The following RAB40B variants were observed in gnomAD, a reference collection of about 807,000 sequenced individuals.
RAB40B encodes ras-related protein Rab-40B.
In RAB40B, 21 loss-of-function variants were observed where a neutral mutation model predicts 24.0. That is an observed-to-expected ratio of 0.88 (90% CI 0.62 to 1.26). RAB40B has a LOEUF of 1.26. RAB40B is among the 50% of genes most tolerant of loss of function. The probability of loss-of-function intolerance (pLI) is 0.00; values close to 1 mark genes in which losing one functional copy is unlikely to be tolerated. For missense variants in RAB40B, 348 were observed against 390.5 expected, an observed-to-expected ratio of 0.89 and a Z score of 0.92; for synonymous variants, 167 against 169.8, an observed-to-expected ratio of 0.98 and a Z score of 0.13.
intron 1 of RAB40B, among the ~76,000 whole-genome samples, chr17:82,682,696 C>G (rs2046458441): frequency 6.6e-6 from 1 of 152,162 alleles, no homozygotes; most frequent in Non-Finnish European, 1.5e-5. Flanking sequence ...AGAATTGAGT[C>G]TAGAAATAGG....
intron 1 of RAB40B, among the ~76,000 whole-genome samples, chr17:82,691,091 C>T (rs1382442623): frequency 1.3e-5 from 2 of 152,164 alleles, no homozygotes; most frequent in Non-Finnish European, 2.9e-5. Flanking sequence ...ACCTGCACCC[C>T]GGTGTGTCCA....
chr17:82,690,475 T>A (rs866566471), intron 1 of RAB40B, among the ~76,000 whole-genome samples: 2 of 126,948 alleles, frequency 1.6e-5, no homozygotes, highest in South Asian at 2.6e-4. Flanking sequence ...GAGCATGGAG[T>A]GTGCACGTGT....
At chr17:82,674,735 G>C (rs908200928) in intron 1 of RAB40B, among the ~76,000 whole-genome samples, 2 of 152,038 alleles carry the variant, frequency 1.3e-5, no homozygotes, top group Non-Finnish European at 2.9e-5. Flanking sequence ...TGTCACCTGC[G>C]TCACTCTGGC....
intron 1 of RAB40B, among the ~76,000 whole-genome samples, chr17:82,668,993 C>G (rs1188999851): frequency 2.0e-5 from 3 of 152,234 alleles, no homozygotes. Flanking sequence ...AACCACACTG[C>G]TGTGGTTTTC....
intron 1 of RAB40B, among the ~76,000 whole-genome samples, chr17:82,673,755 C>A (rs1231778142): frequency 1.3e-5 from 2 of 152,146 alleles, no homozygotes; most frequent in Non-Finnish European, 2.9e-5. Context: ...CTGTAGGGAT[C>A]TTCGTGGCCA....
intron 1 of RAB40B, among the ~76,000 whole-genome samples, chr17:82,696,205 G>A (rs1054046482): frequency 3.9e-5 from 6 of 152,094 alleles, no homozygotes; most frequent in African/African-American, 1.2e-4. Flanking sequence ...TCCTCCCTCC[G>A]TGTCAAGGGA....
chr17:82,676,286 C>A (rs2046392904), intron 1 of RAB40B, among the ~76,000 whole-genome samples: 1 of 118,650 alleles, frequency 8.4e-6, no homozygotes, highest in African/African-American at 2.6e-5. Context: ...GTGAGGGCAC[C>A]CCTCACCTTC....
Position 82,697,903 on chromosome 17 carries a change from C to A in RAB40B, c.142+552G>T, listed in dbSNP as rs2143571126. 6.6e-6 allele frequency among the ~76,000 whole-genome samples: 1 copy of A among 152,258 alleles called. No homozygotes were observed. The highest frequency in any genetic ancestry group is 1.9e-4 in the East Asian group (1 of 5,158). On this transcript the variant is annotated intron_variant, in intron 1 of 5. Coordinates refer to ENST00000571995, the MANE Select transcript of RAB40B (RefSeq NM_006822.3). The surrounding 1 kb of genome is among the most constrained non-coding windows in gnomAD (Gnocchi z 4.9). Reference sequence around the variant, plus strand: ...CTTCCTCTCCCCCGGACACGCGGGACCCCTGGCCTCGGGACCGGACCCTGG... The same window carrying A: ...CTTCCTCTCCCCCGGACACGCGGGAACCCTGGCCTCGGGACCGGACCCTGG...
In RAB40B at chr17:82,658,063, G is replaced by A; in HGVS notation, c.637C>T (p.Pro213Ser). ...CTPVHLVDKLPLPIALRSHLK... is the reference protein window; with the variant it reads ...CTPVHLVDKLSLPIALRSHLK... ...TGGCTTCTTAAGGCAATGGGGAGCG[G>A]GAGCTTGTCCACCAGGTGCACCGGC... Residue 213 changes from proline to serine, a missense_variant, in exon 6 of 6, where the codon CCG (proline) becomes TCG (serine). Pro to Ser is a moderately conservative substitution (Grantham distance 74). Around this residue, in one of 3 missense-constraint regions of RAB40B, gnomAD observed 121 missense variants for 124.0 expected, o/e 0.98. Transcript: ENST00000571995. The A allele has an allele frequency of 6.2e-7, 1 of 1,614,216 alleles. No individual in the cohort carries two copies. The highest frequency in any genetic ancestry group is 1.1e-5 in the South Asian group (1 of 91,082).
At chr17:82,670,281 T>C (rs1284014728) in intron 1 of RAB40B, among the ~76,000 whole-genome samples, 12 of 146,500 alleles carry the variant, frequency 8.2e-5, no homozygotes, top group Admixed American at 6.4e-4. Context: ...GCCCACCGGG[T>C]TCAAGCAATT....
Position 82,690,808 on chromosome 17 carries a change from C to T in RAB40B, c.142+7647G>A, listed in dbSNP as rs150581754. Among the ~76,000 whole-genome samples, 411 of 148,900 alleles carry T rather than the reference C, an allele frequency of 2.8e-3. 2 individuals carry two copies. Among genetic ancestry groups the T allele is most frequent in the Non-Finnish European group, 4.6e-3 (306 of 66,570 alleles). On this transcript the variant is annotated intron_variant, in intron 1 of 5. Coordinates refer to ENST00000571995, the MANE Select transcript of RAB40B (RefSeq NM_006822.3). ...GGAGATGAAGTGTGCATGTGTGTTCCTGGGGAACAGAGAGTGTGCACGTGT... is the reference window on the plus strand; with the variant it reads ...GGAGATGAAGTGTGCATGTGTGTTCTTGGGGAACAGAGAGTGTGCACGTGT...
In RAB40B at chr17:82,661,581, C is replaced by T. The variant is rs1007014465; in HGVS notation, c.204-534G>A. Among the ~76,000 whole-genome samples the T allele has an allele frequency of 4.6e-5, 7 of 152,208 alleles. No homozygotes were observed. In the East Asian group the frequency reaches 5.8e-4, roughly 13 times the overall value. On this transcript the variant is annotated intron_variant, in intron 2 of 5. Transcript: ENST00000571995. ...GTACTGGGACCCACAAAGACCAGAACGGAGCTCCAAGAAACAAATGAAAGG... is the reference window on the plus strand; with the variant it reads ...GTACTGGGACCCACAAAGACCAGAATGGAGCTCCAAGAAACAAATGAAAGG...
In RAB40B at chr17:82,657,398, G is replaced by T; in HGVS notation, c.*465C>A. On this transcript the variant is annotated 3_prime_UTR_variant, in exon 6 of 6. Coordinates refer to ENST00000571995, the MANE Select transcript of RAB40B (RefSeq NM_006822.3). ...GTTGCACATAACCTCTACATCTGCA[G>T]CGTTTTATAAATTGGCGCTTTGACA... The T allele has an allele frequency of 3.2e-6, 1 of 313,108 alleles. No homozygotes were observed. Among genetic ancestry groups the T allele is most frequent in the Non-Finnish European group, 6.2e-6 (1 of 161,286 alleles). 19.4% of individuals were successfully genotyped at this position (313,108 alleles called of 1,614,324 possible). A position where few individuals can be genotyped will look rare whatever the true frequency, so the allele number is the denominator to read the frequency against.
rs1216480189 is a variant in RAB40B at position 82,663,200 on chromosome 17, T to C, written c.203+1296A>G. 6.6e-6 allele frequency among the ~76,000 whole-genome samples: 1 copy of C among 151,676 alleles called. No individual in the cohort carries two copies. The highest frequency in any genetic ancestry group is 1.5e-5 in the Non-Finnish European group (1 of 67,878). ...GAAGGGTCGGGGCGCTTGGGGACAC[T>C]GTGGAGACAGGCTCCCCAGGACTGG... On this transcript the variant is annotated intron_variant, in intron 2 of 5. Coordinates refer to ENST00000571995, the MANE Select transcript of RAB40B (RefSeq NM_006822.3). The surrounding 1 kb of genome is among the most constrained non-coding windows in gnomAD (Gnocchi z 6.2).
At chr17:82,688,942 T>A (rs975909105) in intron 1 of RAB40B, among the ~76,000 whole-genome samples, 5 of 152,108 alleles carry the variant, frequency 3.3e-5, no homozygotes, top group Admixed American at 2.0e-4. Flanking sequence ...TCAAAAAAAA[T>A]TTAAAAATTG....
intron 4 of RAB40B, 180 bp downstream of exon 4, chr17:82,659,400 C>G (rs900438334): frequency 1.7e-6 from 1 of 601,220 alleles, no homozygotes; most frequent in Non-Finnish European, 3.0e-6. Context: ...TAGCTATCAC[C>G]AAAGCCCTAT....
intron 1 of RAB40B, among the ~76,000 whole-genome samples, chr17:82,683,230 A>C (rs2046463114): frequency 6.6e-6 from 1 of 152,340 alleles, no homozygotes; most frequent in South Asian, 2.1e-4. Context: ...AATTTCTAGA[A>C]GAAAATCTTT....
chr17:82,658,445 G>T lies in RAB40B; in HGVS notation c.565+46C>A, dbSNP rs753683427. The T allele has an allele frequency of 1.9e-6, 3 of 1,595,900 alleles. No homozygotes were observed. In the South Asian group the frequency reaches 3.3e-5, roughly 18 times the overall value. On this transcript the variant is annotated intron_variant, in intron 5 of 5. Coordinates refer to ENST00000571995, the MANE Select transcript of RAB40B (RefSeq NM_006822.3). ...TCCAGGGGGCCGCTGACCCACCTCG[G>T]CATCTGGAGGGCAGAGGTGGCCCCC...
chr17:82,661,582 G>A (rs1037961485), intron 2 of RAB40B, among the ~76,000 whole-genome samples: 1 of 152,098 alleles, frequency 6.6e-6, no homozygotes, highest in Non-Finnish European at 1.5e-5. Flanking sequence ...AGACCAGAAC[G>A]GAGCTCCAAG....
Sources: allele counts gnomAD v4.1 joint callset (sites outside exome capture counted in the v4.1 genomes callset), GRCh38; gene constraint gnomAD v4.1.1; regional missense constraint gnomAD v4.1.1; non-coding constraint Gnocchi (gnomAD v3.1); transcripts MANE v1.5; gene names NCBI Gene and HGNC (gene_info 2026-07-23, HGNC 2026-07-21).